Variants in PUDP observed in about 807,000 individuals in gnomAD.
PUDP encodes the protein pseudouridine 5'-phosphatase.
A neutral mutation model predicts 9.4 loss-of-function variants in PUDP; 8 were observed. The observed-to-expected ratio is 0.85, with a 90% CI of 0.50 to 1.53. The LOEUF is 1.53. Ranked by LOEUF, PUDP falls within the 40% of genes most tolerant of loss-of-function variation. The probability of loss-of-function intolerance (pLI) is 0.00; values close to 1 mark genes in which losing one functional copy is unlikely to be tolerated. For synonymous variants in PUDP, 99 were observed against 80.7 expected (o/e 1.23, Z -1.22); for missense variants, 188 against 189.7 (o/e 0.99, Z 0.05).
chrX:6,872,609 G>C (rs1433842418), intron 3 of PUDP, among the ~76,000 whole-genome samples: 1 of 105,939 alleles, frequency 9.4e-6, no homozygotes, highest in Admixed American at 1.0e-4. Flanking sequence ...TGAGGCAGGA[G>C]AGTCACTTGA....
At chrX:6,874,769 C>T (rs1927227508) in intron 3 of PUDP, among the ~76,000 whole-genome samples, 1 of 112,283 alleles carries the variant, frequency 8.9e-6, no homozygotes, top group African/African-American at 3.2e-5. Flanking sequence ...TATACTGTTA[C>T]TATTGACTAA....
chrX:7,040,273 C>T (rs1929904073), intron 1 of PUDP, among the ~76,000 whole-genome samples: 1 of 111,379 alleles, frequency 9.0e-6, no homozygotes, highest in African/African-American at 3.3e-5. Flanking sequence ...ATATGCAGAC[C>T]CTCATGTCTG....
chrX:7,087,119 A>G lies in PUDP; in HGVS notation c.281-9670T>C, dbSNP rs1931286945. ...CCCACAAAATTCATGTTCACCTAAAACGTGGGAATAGGACCTTAGTTGGAA... is the reference window on the plus strand; with the variant it reads ...CCCACAAAATTCATGTTCACCTAAAGCGTGGGAATAGGACCTTAGTTGGAA... On this transcript the variant is annotated intron_variant, in intron 2 of 3. Coordinates refer to ENST00000381077, the MANE Select transcript of PUDP (RefSeq NM_012080.5). Among the ~76,000 whole-genome samples, 3 of 111,910 alleles carry G rather than the reference A, an allele frequency of 2.7e-5. No individual in the cohort carries two copies. The South Asian group carries it at 1.1e-3, about 42-fold the overall frequency.
intron 2 of PUDP, among the ~76,000 whole-genome samples, chrX:7,089,152 C>T (rs1931352075): frequency 9.0e-6 from 1 of 111,452 alleles, no homozygotes; most frequent in Non-Finnish European, 1.9e-5. Context: ...TCTCAGTAAG[C>T]TACACAGCAC....
intron 3 of PUDP, among the ~76,000 whole-genome samples, chrX:6,777,519 T>G (rs988517942): frequency 6.2e-5 from 7 of 112,500 alleles, no homozygotes; most frequent in Non-Finnish European, 9.4e-5. Flanking sequence ...CACATATGCA[T>G]ATTTTGCAAC....
chrX:6,967,656 C>T (rs1287203733), intron 3 of PUDP, among the ~76,000 whole-genome samples: 2 of 111,655 alleles, frequency 1.8e-5, no homozygotes, highest in Non-Finnish European at 3.8e-5. Flanking sequence ...GAACTTCTCT[C>T]TGTGACCTTC....
At chrX:7,008,787 T>C (rs1229419540) in intron 1 of PUDP, among the ~76,000 whole-genome samples, 2 of 112,586 alleles carry the variant, frequency 1.8e-5, no homozygotes, top group Non-Finnish European at 3.7e-5. Flanking sequence ...CCAAATAATC[T>C]GACATTGTGG....
chrX:6,979,931 A>G (rs1355981715), intron 1 of PUDP, among the ~76,000 whole-genome samples: 1 of 110,626 alleles, frequency 9.0e-6, no homozygotes, highest in Non-Finnish European at 1.9e-5. Context: ...TTTAAAAACC[A>G]TATTTTTTCT....
intron 3 of PUDP, among the ~76,000 whole-genome samples, chrX:6,900,624 T>G (rs1360367509): frequency 6.4e-5 from 6 of 94,440 alleles, no homozygotes; most frequent in Non-Finnish European, 2.2e-5. Context: ...CTAACAGGCA[T>G]TTCCTTCCCT....
chrX:6,913,359 G>A (rs890415187), intron 3 of PUDP, among the ~76,000 whole-genome samples: 7 of 111,531 alleles, frequency 6.3e-5, no homozygotes, highest in African/African-American at 2.3e-4. Flanking sequence ...ACTAATTTGT[G>A]GAAAGACTCT....
At chrX:6,763,130 T>C (rs934995508) in intron 3 of PUDP, among the ~76,000 whole-genome samples, 2 of 112,522 alleles carry the variant, frequency 1.8e-5, no homozygotes, top group Non-Finnish European at 3.7e-5. Context: ...GCCTCCTGCC[T>C]GTAATCCCAG....
chrX:6,817,403 C>T (rs760029395), intron 3 of PUDP, among the ~76,000 whole-genome samples: 9 of 111,617 alleles, frequency 8.1e-5, no homozygotes, highest in Non-Finnish European at 1.3e-4. Context: ...AAAAGAGCTA[C>T]CTTGTTGTAT....
intron 1 of PUDP, among the ~76,000 whole-genome samples, chrX:7,143,509 T>C (rs776807044): frequency 5.3e-5 from 6 of 112,265 alleles, no homozygotes; most frequent in Non-Finnish European, 7.5e-5. Flanking sequence ...CTGCAGAATT[T>C]TGCAATTTAA....
At chrX:6,775,886 G>A (rs956602943) in intron 3 of PUDP, among the ~76,000 whole-genome samples, 4 of 111,585 alleles carry the variant, frequency 3.6e-5, no homozygotes, top group Non-Finnish European at 5.6e-5. Flanking sequence ...TGATCTTTGA[G>A]CCTCCAGAAC....
intron 3 of PUDP, among the ~76,000 whole-genome samples, chrX:6,947,151 C>T (rs748050929): frequency 2.7e-5 from 3 of 109,710 alleles, no homozygotes; most frequent in African/African-American, 9.9e-5. Context: ...CAGGCACGCA[C>T]CACCACGCCC....
intron 3 of PUDP, among the ~76,000 whole-genome samples, chrX:6,750,403 GTC>G (rs942824908): frequency 9.0e-6 from 1 of 111,003 alleles, no homozygotes; most frequent in Non-Finnish European, 1.9e-5. Context: ...GTGTGTGTGT[GTC>G]TGTGTGTGTG....
At chrX:6,992,642 G>C (rs776009928) in intron 1 of PUDP, among the ~76,000 whole-genome samples, 2 of 110,951 alleles carry the variant, frequency 1.8e-5, no homozygotes, top group African/African-American at 6.5e-5. Context: ...AAGAACGTGA[G>C]ACTTGATCTC....
chrX:6,807,767 C>A (rs976683597), intron 3 of PUDP, among the ~76,000 whole-genome samples: 1 of 112,133 alleles, frequency 8.9e-6, no homozygotes, highest in African/African-American at 3.2e-5. Flanking sequence ...AGACTGTGCT[C>A]AACGTTTGCC....
chrX:6,839,908 A>C (rs1412760194), intron 3 of PUDP, among the ~76,000 whole-genome samples: 1 of 109,718 alleles, frequency 9.1e-6, no homozygotes, highest in Non-Finnish European at 1.9e-5. Context: ...CCCCTCCCCC[A>C]TACACACAAA....
Sources: gnomAD v4.1 joint callset for allele counts (sites outside exome capture counted in the v4.1 genomes callset) on GRCh38, gnomAD v4.1.1 for gene constraint, MANE v1.5 for transcripts, NCBI Gene and HGNC (gene_info 2026-07-23, HGNC 2026-07-21) for gene names.